Variants in BBX observed in about 807,000 individuals in gnomAD.
BBX encodes the protein HMG box transcription factor BBX.
In BBX, 30 loss-of-function variants were observed where a neutral mutation model predicts 100.2. The observed-to-expected ratio is 0.30, with a 90% CI of 0.22 to 0.41. The LOEUF is 0.41. BBX is among the 10% of genes least tolerant of loss of function. The pLI, the probability that BBX is intolerant of heterozygous loss-of-function variation, is 1.00. For missense variants in BBX, 1,023 were observed against 1,129.8 expected (o/e 0.91, Z 1.35); for synonymous variants, 376 against 388.1 (o/e 0.97, Z 0.37).
intron 2 of BBX, among the ~76,000 whole-genome samples, chr3:107,562,417 G>A (rs1360699770): frequency 6.6e-6 from 1 of 152,030 alleles, no homozygotes; most frequent in Non-Finnish European, 1.5e-5. Flanking sequence ...TTAGACAAAT[G>A]CAGAATTTAT....
chr3:107,772,500 C>A (rs1166584451), intron 10 of BBX, 128 bp from the exon 11 acceptor site: 22 of 1,011,580 alleles, frequency 2.2e-5, no homozygotes, highest in Non-Finnish European at 3.1e-5. Context: ...CAGAAGTGGG[C>A]TGATTGTTGT....
At chr3:107,681,588 C>G (rs1295082295) in intron 3 of BBX, among the ~76,000 whole-genome samples, 2 of 152,048 alleles carry the variant, frequency 1.3e-5, no homozygotes, top group African/African-American at 2.4e-5. Flanking sequence ...AACTATCTCA[C>G]TCAAGATGCC....
Position 107,805,401 on chromosome 3 carries a change from G to A in BBX, c.2770G>A (p.Gly924Arg), listed in dbSNP as rs372361373. ...GAGGTCAACTCCGCTCACCCATGAT[G>A]GACAGCCAAAAGAAATGCCGCAGGC... ...GQRSTPLTHDGQPKEMPQAPV... is the reference protein window; with the variant it reads ...GQRSTPLTHDRQPKEMPQAPV... Residue 924 changes from glycine to arginine, a missense_variant, in exon 18 of 18, where the codon GGA becomes AGA. Around this residue, in one of 9 missense-constraint regions of BBX, gnomAD observed 104 missense variants for 132.2 expected, o/e 0.79. Coordinates refer to ENST00000325805, the MANE Select transcript of BBX (RefSeq NM_001142568.3). The A allele has an allele frequency of 3.1e-6, 5 of 1,613,834 alleles. No homozygotes were observed. The highest frequency in any genetic ancestry group is 4.2e-6 in the Non-Finnish European group (5 of 1,179,916).
At chr3:107,612,307 T>C (rs1461690959) in intron 2 of BBX, among the ~76,000 whole-genome samples, 1 of 152,146 alleles carries the variant, frequency 6.6e-6, no homozygotes, top group East Asian at 1.9e-4. Flanking sequence ...CATTGGTGTT[T>C]GGGCATTGAA....
intron 3 of BBX, among the ~76,000 whole-genome samples, chr3:107,654,513 T>C (rs982626370): frequency 3.9e-5 from 6 of 152,192 alleles, no homozygotes; most frequent in Non-Finnish European, 8.8e-5. Flanking sequence ...AAAAATATTT[T>C]AGAACTTTTA....
chr3:107,577,658 T>A (rs1291675252), intron 2 of BBX, among the ~76,000 whole-genome samples: 2 of 152,200 alleles, frequency 1.3e-5, no homozygotes, highest in African/African-American at 4.8e-5. Flanking sequence ...TGGTATTCTC[T>A]AAGCAATTGA....
In BBX at chr3:107,641,928, G is replaced by A. The variant is rs530899297; in HGVS notation, c.-83-3908G>A. The stretch of plus-strand genomic sequence containing the variant: ...TGTTGCCACTTTCTTTATTTTATAT[G>A]TGTGTGTATGTGAGTGTATATATGT... On this transcript the variant is annotated intron_variant, in intron 2 of 17. Transcript: ENST00000325805. 7.7e-4 allele frequency: 117 copies of A among 152,232 alleles called. 1 individual carries two copies. The highest frequency in any genetic ancestry group is 2.6e-3 in the African/African-American group (108 of 41,538). 9.4% of individuals were successfully genotyped at this position (152,232 alleles called of 1,614,324 possible). A position where few individuals can be genotyped will look rare whatever the true frequency, so the allele number is the denominator to read the frequency against.
chr3:107,719,153 G>A (rs1037614272), intron 5 of BBX, among the ~76,000 whole-genome samples: 1 of 151,940 alleles, frequency 6.6e-6, no homozygotes, highest in Non-Finnish European at 1.5e-5. Flanking sequence ...GATAAATATG[G>A]TCTGTTTTTC....
At chr3:107,569,654 T>C (rs2051196229) in intron 2 of BBX, among the ~76,000 whole-genome samples, 1 of 152,160 alleles carries the variant, frequency 6.6e-6, no homozygotes, top group Non-Finnish European at 1.5e-5. Context: ...TAAAAAGGAC[T>C]GTATAAAAGA....
At chr3:107,587,518 G>A (rs2107579077) in intron 2 of BBX, among the ~76,000 whole-genome samples, 1 of 152,202 alleles carries the variant, frequency 6.6e-6, no homozygotes, top group African/African-American at 2.4e-5. Context: ...TTTTCCATTT[G>A]CTGGCTACTG....
At chr3:107,779,823 G>T (rs934226943) in intron 13 of BBX, among the ~76,000 whole-genome samples, 2 of 151,954 alleles carry the variant, frequency 1.3e-5, no homozygotes, top group African/African-American at 2.4e-5. Context: ...ACCAAACAGG[G>T]TCAATTTGAG....
intron 2 of BBX, among the ~76,000 whole-genome samples, chr3:107,539,178 G>T (rs144982914): frequency 4.6e-4 from 70 of 152,150 alleles, no homozygotes; most frequent in African/African-American, 1.7e-3. Flanking sequence ...TCAATGTATT[G>T]AATTATCTTT....
chr3:107,592,960 T>C (rs2053438886), intron 2 of BBX, among the ~76,000 whole-genome samples: 1 of 152,232 alleles, frequency 6.6e-6, no homozygotes, highest in Admixed American at 6.5e-5. Flanking sequence ...TTATGATTTT[T>C]TAAGGTTTTC....
chr3:107,558,402 C>T (rs1051612214), intron 2 of BBX, among the ~76,000 whole-genome samples: 11 of 152,082 alleles, frequency 7.2e-5, no homozygotes, highest in Admixed American at 4.6e-4. Context: ...GCAGGAGAAT[C>T]GCTTGTGCCT....
intron 7 of BBX, among the ~76,000 whole-genome samples, chr3:107,734,747 A>G (rs372423832): frequency 6.6e-6 from 1 of 152,174 alleles, no homozygotes; most frequent in South Asian, 2.1e-4. Context: ...AAAGAAAAGC[A>G]TGGTTTCTTT....
At chr3:107,797,527 G>A (rs940589593) in intron 15 of BBX, among the ~76,000 whole-genome samples, 1 of 151,490 alleles carries the variant, frequency 6.6e-6, no homozygotes, top group Non-Finnish European at 1.5e-5. Flanking sequence ...AATTATGAAA[G>A]TGCATCTTTT....
At chr3:107,767,135 G>C (rs2066459579) in intron 10 of BBX, among the ~76,000 whole-genome samples, 1 of 152,182 alleles carries the variant, frequency 6.6e-6, no homozygotes, top group African/African-American at 2.4e-5. Context: ...GACCACCATG[G>C]CATGTTTATA....
At chr3:107,638,250 T>C (rs1361190767) in intron 2 of BBX, among the ~76,000 whole-genome samples, 2 of 151,864 alleles carry the variant, frequency 1.3e-5, no homozygotes, top group Non-Finnish European at 1.5e-5. Flanking sequence ...CAGGGTCTTC[T>C]CAGTATGTTG....
chr3:107,573,914 C>G (rs1407575111), intron 2 of BBX, among the ~76,000 whole-genome samples: 1 of 152,072 alleles, frequency 6.6e-6, no homozygotes, highest in Non-Finnish European at 1.5e-5. Context: ...GCCGGGAGAC[C>G]GGGTTTCTCC....
Sources: allele counts gnomAD v4.1 joint callset (sites outside exome capture counted in the v4.1 genomes callset), GRCh38; gene constraint gnomAD v4.1.1; regional missense constraint gnomAD v4.1.1; transcripts MANE v1.5; gene names NCBI Gene and HGNC (gene_info 2026-07-23, HGNC 2026-07-21).